The following SERGEF variants were observed in gnomAD, a reference collection of about 807,000 sequenced individuals.
SERGEF encodes the protein secretion-regulating guanine nucleotide exchange factor.
SERGEF carries 51 observed loss-of-function variants against 50.0 expected under a neutral mutation model. The ratio of observed to expected loss-of-function variants is 1.02; its 90% CI spans 0.81 to 1.29. SERGEF has a LOEUF of 1.29. Ranked by LOEUF, SERGEF falls within the 50% of genes most tolerant of loss-of-function variation. The pLI, the probability that SERGEF is intolerant of heterozygous loss-of-function variation, is 0.00. For missense variants in SERGEF, 521 were observed against 557.0 expected (o/e 0.94, Z 0.65); for synonymous variants, 205 against 212.4 (o/e 0.97, Z 0.30).
intron 9 of SERGEF, among the ~76,000 whole-genome samples, chr11:17,894,347 T>C (rs951207141): frequency 1.3e-5 from 2 of 152,218 alleles, no homozygotes; most frequent in African/African-American, 2.4e-5. Flanking sequence ...CTAGGTACTT[T>C]TGGTGGATTA....
At chr11:17,987,937 C>A (rs1424284261) in intron 8 of SERGEF, among the ~76,000 whole-genome samples, 1 of 152,006 alleles carries the variant, frequency 6.6e-6, no homozygotes, top group African/African-American at 2.4e-5. Context: ...GGCAGGAAGG[C>A]AGGGATGAAT....
At chr11:17,847,745 G>C (rs907027805) in intron 10 of SERGEF, among the ~76,000 whole-genome samples, 5 of 152,166 alleles carry the variant, frequency 3.3e-5, no homozygotes, top group African/African-American at 1.2e-4. Flanking sequence ...GCAGTACTGA[G>C]GTCAAAGGTT....
At chr11:17,793,266 A>G (rs1019554596) in intron 10 of SERGEF, among the ~76,000 whole-genome samples, 1 of 152,214 alleles carries the variant, frequency 6.6e-6, no homozygotes. Flanking sequence ...CTAAAGTAGA[A>G]TGATAGGAAG....
intron 9 of SERGEF, among the ~76,000 whole-genome samples, chr11:17,934,763 T>G (rs943035824): frequency 2.6e-5 from 4 of 152,170 alleles, no homozygotes; most frequent in Non-Finnish European, 5.9e-5. Context: ...AATCAGAAAT[T>G]TTATCCTGAT....
intron 9 of SERGEF, among the ~76,000 whole-genome samples, chr11:17,915,616 C>T (rs1277074844): frequency 6.6e-6 from 1 of 152,124 alleles, no homozygotes; most frequent in African/African-American, 2.4e-5. Context: ...CTAAAGAAAA[C>T]CTCCATTTTC....
intron 8 of SERGEF, among the ~76,000 whole-genome samples, chr11:17,961,439 C>T (rs1017030862): frequency 4.6e-5 from 7 of 152,116 alleles, no homozygotes; most frequent in Admixed American, 2.0e-4. Context: ...CTTAAATGAC[C>T]GTTCCTCTGC....
chr11:17,964,711 A>G (rs894006707), intron 8 of SERGEF, among the ~76,000 whole-genome samples: 1 of 152,138 alleles, frequency 6.6e-6, no homozygotes, highest in African/African-American at 2.4e-5. Context: ...GAAGCTCTCT[A>G]CCTATAGGTT....
At chr11:17,821,100 G>A (rs1298497181) in intron 10 of SERGEF, among the ~76,000 whole-genome samples, 1 of 152,208 alleles carries the variant, frequency 6.6e-6, no homozygotes, top group Non-Finnish European at 1.5e-5. Context: ...GCAGCCACAA[G>A]CCAAGGAATG....
In SERGEF at chr11:17,840,657, C is replaced by T. The variant is rs1362768772; in HGVS notation, c.1048+37551G>A. On this transcript the variant is annotated intron_variant, in intron 10 of 10. Transcript: ENST00000265965. ...GTCTAGGGAGACTGCAGAAGAGAGG[C>T]CCCCAAAGACAGATTGAAGAGTTGC... Among the ~76,000 whole-genome samples, 17 of 152,092 alleles carry T rather than the reference C, an allele frequency of 1.1e-4. No homozygotes were observed. The East Asian group carries it at 2.9e-3, about 26-fold the overall frequency.
chr11:17,969,176 G>A (rs1418237922), intron 8 of SERGEF, among the ~76,000 whole-genome samples: 3 of 152,126 alleles, frequency 2.0e-5, no homozygotes, highest in Non-Finnish European at 2.9e-5. Context: ...GAGATGTGCC[G>A]GCTGAGGTCT....
At chr11:17,840,601 C>A (rs1369096549) in intron 10 of SERGEF, among the ~76,000 whole-genome samples, 1 of 152,146 alleles carries the variant, frequency 6.6e-6, no homozygotes, top group African/African-American at 2.4e-5. Context: ...CAGCTGAGCC[C>A]TGTTCAAAGT....
At chr11:18,011,904 C>A (rs935718831) in intron 1 of SERGEF, among the ~76,000 whole-genome samples, 1 of 152,172 alleles carries the variant, frequency 6.6e-6, no homozygotes, top group African/African-American at 2.4e-5. Context: ...CCACATTCAA[C>A]AATTGCCGCC....
intron 9 of SERGEF, among the ~76,000 whole-genome samples, chr11:17,931,065 C>T (rs1176118919): frequency 6.6e-6 from 1 of 152,146 alleles, no homozygotes; most frequent in African/African-American, 2.4e-5. Flanking sequence ...TTGCAATTTA[C>T]TAGATAATAT....
At chr11:17,964,113 A>G (rs1298356785) in intron 8 of SERGEF, among the ~76,000 whole-genome samples, 3 of 152,222 alleles carry the variant, frequency 2.0e-5, no homozygotes, top group Non-Finnish European at 4.4e-5. Context: ...ATGAAGGTGT[A>G]GAGATGCTAC....
chr11:17,788,650 C>A (rs1022991848), intron 10 of SERGEF, among the ~76,000 whole-genome samples: 1 of 152,156 alleles, frequency 6.6e-6, no homozygotes, highest in South Asian at 2.1e-4. Context: ...TGCTCATGTT[C>A]CAAGCGTGGC....
At chr11:17,799,490 G>A (rs2133824313) in intron 10 of SERGEF, among the ~76,000 whole-genome samples, 1 of 152,320 alleles carries the variant, frequency 6.6e-6, no homozygotes, top group South Asian at 2.1e-4. Context: ...TAGCAGAGGG[G>A]TGGAGGAATG....
At chr11:17,818,016 T>A (rs1850010362) in intron 10 of SERGEF, among the ~76,000 whole-genome samples, 1 of 152,168 alleles carries the variant, frequency 6.6e-6, no homozygotes, top group African/African-American at 2.4e-5. Flanking sequence ...TCTATGCATA[T>A]CCCATCTTTC....
chr11:17,829,820 C>T (rs560078638), intron 10 of SERGEF, among the ~76,000 whole-genome samples: 1 of 152,294 alleles, frequency 6.6e-6, no homozygotes, highest in South Asian at 2.1e-4. Flanking sequence ...GTGTTTATGA[C>T]TAAACCTAAG....
At chr11:17,917,200 C>A (rs909179274) in intron 9 of SERGEF, among the ~76,000 whole-genome samples, 1 of 152,152 alleles carries the variant, frequency 6.6e-6, no homozygotes, top group Admixed American at 6.5e-5. Context: ...GATAAAGAAA[C>A]TGTGGTACAT....
Sources: gnomAD v4.1 joint callset for allele counts (sites outside exome capture counted in the v4.1 genomes callset) on GRCh38, gnomAD v4.1.1 for gene constraint, MANE v1.5 for transcripts, NCBI Gene and HGNC (gene_info 2026-07-23, HGNC 2026-07-21) for gene names.